ZNF423: variants seen among roughly 807,000 people sequenced by gnomAD.
ZNF423 encodes the protein Ebf-associated zinc finger protein.
ZNF423 carries 12 observed loss-of-function variants against 95.8 expected under a neutral mutation model. That is an observed-to-expected ratio of 0.13 (90% confidence interval 0.08 to 0.20). The LOEUF is 0.20. ZNF423 is among the 10% of genes least tolerant of loss of function. ZNF423 has a pLI of 1.00. For missense variants in ZNF423, 1,316 were observed against 1,737.1 expected, an observed-to-expected ratio of 0.76 and a Z score of 4.31; for synonymous variants, 749 against 711.9, an observed-to-expected ratio of 1.05 and a Z score of -0.83.
chr16:49,833,029 T>C (rs551570811), intron 1 of ZNF423, among the ~76,000 whole-genome samples: 1 of 152,336 alleles, frequency 6.6e-6, no homozygotes, highest in East Asian at 1.9e-4. Context: ...AGCCTTCATC[T>C]AAAAGGTTGG....
At chr16:49,555,276 CTCT>C (rs1223021766) in intron 5 of ZNF423, among the ~76,000 whole-genome samples, 1 of 152,226 alleles carries the variant, frequency 6.6e-6, no homozygotes, top group Non-Finnish European at 1.5e-5. Flanking sequence ...GGGAAGGAAC[CTCT>C]CCAGTCTATA....
At chr16:49,607,482 C>G (rs1340318362) in intron 5 of ZNF423, among the ~76,000 whole-genome samples, 2 of 152,136 alleles carry the variant, frequency 1.3e-5, no homozygotes. Context: ...GGGGGCAGAT[C>G]ACCAAAACTG....
rs895544427 is a variant in ZNF423, at chr16:49,488,436, T to C, written c.*2839A>G. ...CTCTGCCCAGAGAGCCGCTAGAAAC[T>C]GACAATTTGTACATCTAAATACAGC... On this transcript the variant is annotated 3_prime_UTR_variant, in exon 8 of 8. Transcript: ENST00000563137. 6.6e-6 allele frequency: 1 copy of C among 152,196 alleles called. No homozygotes were observed. Among genetic ancestry groups the C allele is most frequent in the African/African-American group, 2.4e-5 (1 of 41,456 alleles). 9.4% of individuals were successfully genotyped at this position (152,196 alleles called of 1,614,324 possible).
chr16:49,656,675 T>C (rs1413027049), intron 3 of ZNF423, among the ~76,000 whole-genome samples: 1 of 152,234 alleles, frequency 6.6e-6, no homozygotes, highest in African/African-American at 2.4e-5. Context: ...TTATACTTTG[T>C]ATTCTATATC....
In ZNF423 at chr16:49,779,870, C is replaced by T. The variant is rs531249941; in HGVS notation, c.100+9617G>A. Reference sequence around the variant, plus strand: ...TACAATCCTCATTACTGAAGTCCCCCGAAAAGCCCAACAGCACCAGGAGAG... The same window carrying T: ...TACAATCCTCATTACTGAAGTCCCCTGAAAAGCCCAACAGCACCAGGAGAG... On this transcript the variant is annotated intron_variant, in intron 2 of 7. Transcript: ENST00000563137. Among the ~76,000 whole-genome samples the T allele has an allele frequency of 4.3e-3, 659 of 152,228 alleles. 7 individuals carry two copies. Among genetic ancestry groups the T allele is most frequent in the African/African-American group, 0.015 (631 of 41,528 alleles).
At chr16:49,668,660 G>C (rs1377859436) in intron 3 of ZNF423, among the ~76,000 whole-genome samples, 1 of 152,190 alleles carries the variant, frequency 6.6e-6, no homozygotes, top group African/African-American at 2.4e-5. Context: ...TGCAGCCTCA[G>C]TACAGGGAGT....
intron 3 of ZNF423, chr16:49,664,204 C>T (rs2030408454): frequency 1.6e-5 from 16 of 985,514 alleles, no homozygotes; most frequent in South Asian, 4.7e-5. Flanking sequence ...GCTGGAGAGG[C>T]GCTTCCCACC....
chr16:49,712,552 A>G (rs958195687), intron 3 of ZNF423, among the ~76,000 whole-genome samples: 1 of 152,240 alleles, frequency 6.6e-6, no homozygotes, highest in African/African-American at 2.4e-5. Context: ...TTGGAAAGTC[A>G]TAATGCCATC....
intron 7 of ZNF423, among the ~76,000 whole-genome samples, chr16:49,522,716 A>G (rs910390450): frequency 3.9e-5 from 6 of 152,094 alleles, no homozygotes; most frequent in Non-Finnish European, 8.8e-5. Context: ...GGGTGGATGC[A>G]GTGTTACTCT....
intron 3 of ZNF423, among the ~76,000 whole-genome samples, chr16:49,643,921 C>T (rs551932919): frequency 1.3e-4 from 20 of 152,324 alleles, no homozygotes; most frequent in African/African-American, 4.6e-4. Context: ...GATTCCCAAG[C>T]TCATGTGGTC....
At chr16:49,780,616 G>C (rs993496241) in intron 2 of ZNF423, 9 of 152,162 alleles carry the variant, frequency 5.9e-5, no homozygotes, top group African/African-American at 2.2e-4. Context: ...TGTGCTAGAG[G>C]GGGAGCAGCT....
chr16:49,851,929 C>T (rs897575140), intron 1 of ZNF423, among the ~76,000 whole-genome samples: 1 of 152,156 alleles, frequency 6.6e-6, no homozygotes, highest in Non-Finnish European at 1.5e-5. Context: ...TTAGCTACCC[C>T]ACTCCACATA....
At chr16:49,781,479 T>C (rs2034211089) in intron 2 of ZNF423, among the ~76,000 whole-genome samples, 2 of 152,086 alleles carry the variant, frequency 1.3e-5, no homozygotes, top group African/African-American at 4.8e-5. Context: ...TATAGACGAA[T>C]GGAGCTCGAA....
intron 5 of ZNF423, among the ~76,000 whole-genome samples, chr16:49,536,112 C>G (rs1969046550): frequency 6.6e-6 from 1 of 152,186 alleles, no homozygotes; most frequent in Admixed American, 6.5e-5. Context: ...CGGGCACACA[C>G]AAACACAACA....
intron 7 of ZNF423, among the ~76,000 whole-genome samples, chr16:49,501,431 A>G (rs188383993): frequency 1.5e-4 from 23 of 152,336 alleles, no homozygotes; most frequent in South Asian, 1.2e-3. Flanking sequence ...GTTGGTGGGA[A>G]TGCAGATTAG....
At chr16:49,858,727 C>CT (rs1046778149), upstream of ZNF423, among the ~76,000 whole-genome samples, 1 of 140,674 alleles carries the variant, frequency 7.1e-6, no homozygotes, top group Non-Finnish European at 1.6e-5. The surrounding 1 kb of genome is among the most constrained non-coding windows in gnomAD (Gnocchi z 4.3). Flanking sequence ...GCCCCCCCCC[C>CT]CACGCCCCCG....
intron 3 of ZNF423, among the ~76,000 whole-genome samples, chr16:49,693,732 G>T (rs904070090): frequency 2.0e-5 from 3 of 152,210 alleles, no homozygotes; most frequent in Non-Finnish European, 2.9e-5. Context: ...CTATGAGCTT[G>T]GGGCCACCGG....
rs558019066 is a variant in ZNF423, at chr16:49,646,996, G to C, written c.302-8122C>G. 1.6e-4 allele frequency among the ~76,000 whole-genome samples: 24 copies of C among 152,344 alleles called. 1 individual carries two copies. In the South Asian group the frequency reaches 3.5e-3, roughly 22 times the overall value. Reference sequence around the variant, plus strand: ...ATAACTGTGCAAAGTGACACTCCAAGAAGGAAAGTAACTTCTGAGCGCACA... The same window carrying C: ...ATAACTGTGCAAAGTGACACTCCAACAAGGAAAGTAACTTCTGAGCGCACA... On this transcript the variant is annotated intron_variant, in intron 3 of 7. Coordinates refer to ENST00000563137, the MANE Select transcript of ZNF423 (RefSeq NM_001379286.1).
intron 1 of ZNF423, among the ~76,000 whole-genome samples, chr16:49,853,085 CG>C (rs1457246110): frequency 2.0e-5 from 3 of 152,202 alleles, no homozygotes; most frequent in African/African-American, 7.2e-5. Flanking sequence ...GCAGAATGCT[CG>C]GGGCCGGGGA....
Sources: allele counts gnomAD v4.1 joint callset (sites outside exome capture counted in the v4.1 genomes callset), GRCh38; gene constraint gnomAD v4.1.1; non-coding constraint Gnocchi (gnomAD v3.1); transcripts MANE v1.5; gene names NCBI Gene and HGNC (gene_info 2026-07-23, HGNC 2026-07-21).